The following AFM variants were observed in gnomAD, a reference collection of about 807,000 sequenced individuals.
AFM encodes alpha-Alb.
Under a neutral mutation model 68.7 loss-of-function variants are expected in AFM, and 82 were observed. The observed-to-expected ratio is 1.19, with a 90% CI of 1.00 to 1.43. The LOEUF is 1.43. AFM is among the 40% of genes most tolerant of loss of function. The pLI, the probability that AFM is intolerant of heterozygous loss-of-function variation, is 0.00. For synonymous variants in AFM, 250 were observed against 234.2 expected, an observed-to-expected ratio of 1.07 and a Z score of -0.61; for missense variants, 772 against 701.8, an observed-to-expected ratio of 1.10 and a Z score of -1.13.
intron 9 of AFM, among the ~76,000 whole-genome samples, chr4:73,496,715 C>T (rs529816524): frequency 6.6e-6 from 1 of 152,192 alleles, no homozygotes; most frequent in East Asian, 1.9e-4. Context: ...TAGCTATTTA[C>T]ACATTTTCTG....
At chr4:73,498,062 T>G (rs1721306054) in intron 10 of AFM, among the ~76,000 whole-genome samples, 1 of 152,196 alleles carries the variant, frequency 6.6e-6, no homozygotes, top group Non-Finnish European at 1.5e-5. Flanking sequence ...AGTGGGACAC[T>G]GCATATTTCA....
chr4:73,494,060 GGTGT>G (rs60080861), intron 8 of AFM, among the ~76,000 whole-genome samples: 37,365 of 147,680 alleles, frequency 0.25, 4,792 homozygotes, highest in Admixed American at 0.39. Context: ...CATGTTTTTA[GGTGT>G]GTGTGTGTGT....
chr4:73,496,234 A>T (rs1721252105), intron 9 of AFM, among the ~76,000 whole-genome samples: 8 of 152,098 alleles, frequency 5.3e-5, no homozygotes, highest in Admixed American at 5.2e-4. Context: ...AGTATAGAAA[A>T]CTTTTTACGT....
At chr4:73,496,775 T>G (rs1721269871) in intron 9 of AFM, among the ~76,000 whole-genome samples, 1 of 152,218 alleles carries the variant, frequency 6.6e-6, no homozygotes, top group South Asian at 2.1e-4. Context: ...AAATTAGTGT[T>G]TTTCATATAA....
At chr4:73,491,288 A>G (rs1252375671) in intron 7 of AFM, among the ~76,000 whole-genome samples, 1 of 152,212 alleles carries the variant, frequency 6.6e-6, no homozygotes, top group African/African-American at 2.4e-5. Flanking sequence ...GCTAACCTGA[A>G]CAGCTTCAAA....
At chr4:73,483,690 G>A (rs1720776181) in intron 1 of AFM, among the ~76,000 whole-genome samples, 1 of 152,212 alleles carries the variant, frequency 6.6e-6, no homozygotes, top group Non-Finnish European at 1.5e-5. Flanking sequence ...CAAATTTAAA[G>A]TCTAGTCAGA....
Position 73,496,697 on chromosome 4 carries a change from TATG to T in AFM, c.1192-952_1192-950del, listed in dbSNP as rs1197324580. On this transcript the variant is annotated intron_variant, in intron 9 of 14. Coordinates refer to ENST00000226355, the MANE Select transcript of AFM (RefSeq NM_001133.2). ...TTTTTAAATTGTTAAATTTTTTCCA[TATG>T]ATTTTAGCTATTTACACATTTTCTG... 6.6e-5 allele frequency among the ~76,000 whole-genome samples: 10 copies of T among 152,326 alleles called. No homozygotes were observed. The East Asian group carries it at 1.7e-3, about 26-fold the overall frequency.
At chr4:73,489,194 A>G (rs536654765) in intron 7 of AFM, among the ~76,000 whole-genome samples, 12 of 152,120 alleles carry the variant, frequency 7.9e-5, no homozygotes, top group Non-Finnish European at 1.5e-4. Context: ...CTTCCAAATA[A>G]GTGGATACAT....
intron 10 of AFM, among the ~76,000 whole-genome samples, 172 bp from the exon 11 acceptor site, chr4:73,498,942 T>C (rs1278344536): frequency 6.6e-6 from 1 of 152,096 alleles, no homozygotes; most frequent in Non-Finnish European, 1.5e-5. Context: ...GGAAGCAGGG[T>C]GCAGGAAAAC....
At chr4:73,491,836 G>T (rs778140355) in intron 7 of AFM, 36 bp from the exon 8 acceptor site, 1 of 1,580,134 alleles carries the variant, frequency 6.3e-7, no homozygotes. Context: ...AACCCAGCCT[G>T]AAAGTAAAAT....
chr4:73,493,773 T>C (rs906437294), intron 8 of AFM, among the ~76,000 whole-genome samples: 11 of 152,188 alleles, frequency 7.2e-5, no homozygotes, highest in South Asian at 2.1e-4. Flanking sequence ...TTCTCATGGT[T>C]GTGGATATTA....
In AFM at chr4:73,487,804, C is replaced by A. The variant is rs1053676781; in HGVS notation, c.696C>A (p.Thr232=). The A allele has an allele frequency of 1.9e-6, 3 of 1,602,334 alleles. No homozygotes were observed. The Admixed American group carries it at 5.0e-5, about 27-fold the overall frequency. The change falls in exon 6 of 15, where the codon ACC becomes ACA. Residue 232 remains threonine (T), a synonymous_variant. Transcript: ENST00000226355. ...GTGGGGCACTTTTGAAATTTGGAAC[C>A]AAAGTTGTACACTTTATGTGAGTTT... ...HVCGALLKFG[T]KVVHFIYIAI...
chr4:73,481,809 T>G lies in AFM; in HGVS notation c.34T>G (p.Phe12Val). 4 of 1,607,568 alleles carry G rather than the reference T, an allele frequency of 2.5e-6. No individual in the cohort carries two copies. Among genetic ancestry groups the G allele is most frequent in the Non-Finnish European group, 3.4e-6 (4 of 1,177,054 alleles). ...KLLKLTGFIF[F>V]LFFLTESLTL... ...ACTAAAACTTACAGGTTTTATTTTT[T>G]TCTTGTTTTTTTTGACTGAATCCCT... Residue 12 changes from phenylalanine to valine, a missense_variant, in exon 1 of 15, where the codon TTC (phenylalanine) becomes GTC (valine). Coordinates refer to ENST00000226355, the MANE Select transcript of AFM (RefSeq NM_001133.2).
Position 73,491,952 on chromosome 4 carries a change from A to G in AFM, c.924A>G (p.Pro308=), listed in dbSNP as rs1343966332. Residue 308 remains proline, a synonymous_variant, in exon 8 of 15, where the codon CCA becomes CCG. Transcript: ENST00000226355. ...KIKECCEKKI[P]ERGQCIINSN... ...AAGAGTGCTGTGAAAAGAAAATACC[A>G]GAGCGCGGCCAGTGCATAATTAACT... 1 of 1,613,968 alleles carries G rather than the reference A, an allele frequency of 6.2e-7. No individual in the cohort carries two copies. The highest frequency in any genetic ancestry group is 1.3e-5 in the African/African-American group (1 of 74,928).
intron 9 of AFM, 107 bp from the exon 10 acceptor site, chr4:73,497,545 A>G (rs1047829109): frequency 1.2e-4 from 74 of 642,192 alleles, no homozygotes; most frequent in Non-Finnish European, 1.5e-4. Flanking sequence ...AATAATGAGA[A>G]TTTGAAAATA....
In AFM at chr4:73,491,897, C is replaced by A; in HGVS notation, c.869C>A (p.Ser290Ter). 1.2e-6 allele frequency: 2 copies of A among 1,613,532 alleles called. No individual in the cohort carries two copies. The highest frequency in any genetic ancestry group is 2.2e-5 in the South Asian group (2 of 90,942). ...DTSKVMNHIC[S>*]KQDSISSKIK... ...AGCAAGGTTATGAACCATATTTGTT[C>A]AAAACAAGATTCTATCTCCAGCAAA... The change falls in exon 8 of 15, where the codon TCA becomes TAA. Residue 290 changes from serine (S) to a stop codon, truncating the protein, a stop_gained. Coordinates refer to ENST00000226355, the MANE Select transcript of AFM (RefSeq NM_001133.2). LOFTEE classifies it high-confidence loss of function.
chr4:73,486,995 C>G lies in AFM; in HGVS notation c.511C>G (p.Pro171Ala). 2 of 1,613,450 alleles carry G rather than the reference C, an allele frequency of 1.2e-6. No homozygotes were observed. The highest frequency in any genetic ancestry group is 8.5e-7 in the Non-Finnish European group (1 of 1,179,704). ...TTTATATGAAGTTGCCAGAAGGAAC[C>G]CATTTGTCTTCGCCCCTACACTTCT... The part of the protein sequence containing the change: ...HFLYEVARRN[P>A]FVFAPTLLTV... Residue 171 changes from proline to alanine, a missense_variant, in exon 5 of 15, where the codon CCA becomes GCA. Transcript: ENST00000226355.
chr4:73,484,089 T>C, intron 2 of AFM, 100 bp downstream of exon 2: 1 of 1,358,422 alleles, frequency 7.4e-7, no homozygotes, highest in Non-Finnish European at 9.9e-7. Context: ...AGAAGCCATA[T>C]CCAAGAAGAC....
In AFM at chr4:73,487,099, G is replaced by T. The variant is rs373086499; in HGVS notation, c.615G>T (p.Arg205Ser). Reference protein sequence around the residue: ...EQNKVNCLQTRAIPVTQYLKA... With the variant: ...EQNKVNCLQTSAIPVTQYLKA... Reference sequence around the variant, plus strand: ...ACAAAGTCAACTGCCTTCAAACAAGGGTGGGTATAGCATTTGTTCCATGAA... The same window carrying T: ...ACAAAGTCAACTGCCTTCAAACAAGTGTGGGTATAGCATTTGTTCCATGAA... Residue 205 changes from arginine (R) to serine (S), a missense_variant and splice_region_variant, in exon 5 of 15, where the codon AGG becomes AGT. Coordinates refer to ENST00000226355, the MANE Select transcript of AFM (RefSeq NM_001133.2). The T allele has an allele frequency of 1.4e-5, 23 of 1,613,644 alleles. No individual in the cohort carries two copies. The South Asian group carries it at 2.5e-4, about 18-fold the overall frequency.
Sources: allele counts gnomAD v4.1 joint callset (sites outside exome capture counted in the v4.1 genomes callset), GRCh38; gene constraint gnomAD v4.1.1; transcripts MANE v1.5; gene names NCBI Gene and HGNC (gene_info 2026-07-23, HGNC 2026-07-21).